ANO4: variants seen among roughly 807,000 people sequenced by gnomAD.
ANO4 encodes anoctamin-4.
In ANO4, 69 loss-of-function variants were observed where a neutral mutation model predicts 141.9. The ratio of observed to expected loss-of-function variants is 0.49; its 90% confidence interval spans 0.40 to 0.59. The LOEUF (loss-of-function observed/expected upper bound fraction) is 0.59. ANO4 is among the 20% of genes least tolerant of loss of function. The pLI is 0.00. For missense variants in ANO4, 894 were observed against 1,162.2 expected (o/e 0.77, Z 3.36); for synonymous variants, 350 against 394.3 (o/e 0.89, Z 1.33).
rs941341133 is a variant in ANO4, at chr12:100,918,269, G to C, written c.56-3957G>C. Among the ~76,000 whole-genome samples the C allele has an allele frequency of 2.6e-5, 4 of 152,184 alleles. No homozygotes were observed. In the South Asian group the frequency reaches 8.3e-4, roughly 32 times the overall value. On this transcript the variant is annotated intron_variant, in intron 2 of 27. Coordinates refer to ENST00000392977, the MANE Select transcript of ANO4 (RefSeq NM_001286615.2). ...TTGAGCCTAGGAGGTTGAGGTTGCAGTAAGCTGTGTTCGCACCACTGCACT... is the reference window on the plus strand; with the variant it reads ...TTGAGCCTAGGAGGTTGAGGTTGCACTAAGCTGTGTTCGCACCACTGCACT...
chr12:101,020,286 G>T, intron 9 of ANO4, 146 bp downstream of exon 9: 1 of 609,870 alleles, frequency 1.6e-6, no homozygotes. Context: ...TAATTCACAA[G>T]TGTAAAATCT....
At chr12:100,922,502 G>C (rs2041676159) in intron 3 of ANO4, among the ~76,000 whole-genome samples, 172 bp downstream of exon 3, 1 of 152,116 alleles carries the variant, frequency 6.6e-6, no homozygotes, top group African/African-American at 2.4e-5. Context: ...GATAGTGAAA[G>C]AGGTTTAATT....
intron 9 of ANO4, among the ~76,000 whole-genome samples, chr12:101,031,461 C>T (rs537864515): frequency 2.0e-5 from 3 of 152,004 alleles, no homozygotes; most frequent in Admixed American, 6.6e-5. Context: ...TATGACAAAC[C>T]CACAGCCAAT....
chr12:100,969,498 G>C (rs536630797), intron 5 of ANO4, among the ~76,000 whole-genome samples: 1 of 152,178 alleles, frequency 6.6e-6, no homozygotes, highest in East Asian at 1.9e-4. Context: ...ATCTTGATGA[G>C]TTGATTTGTG....
At chr12:100,795,321 C>T (rs777123316) in intron 1 of ANO4, among the ~76,000 whole-genome samples, 31 of 152,182 alleles carry the variant, frequency 2.0e-4, no homozygotes, top group South Asian at 4.1e-4. Context: ...ACTGCAGCAG[C>T]GTGCAGGGAA....
At chr12:100,781,700 TAATA>T (rs555723253) in intron 3 of ANO4, among the ~76,000 whole-genome samples, 46 of 152,214 alleles carry the variant, frequency 3.0e-4, no homozygotes, top group Non-Finnish European at 4.8e-4. Flanking sequence ...TAATGACAGT[TAATA>T]ACTGTTTTGC....
At chr12:100,985,585 C>T (rs1313127047) in intron 7 of ANO4, among the ~76,000 whole-genome samples, 2 of 152,132 alleles carry the variant, frequency 1.3e-5, no homozygotes, top group African/African-American at 4.8e-5. Context: ...TGTTGTCAAC[C>T]ACTGTGTCAT....
At chr12:100,763,489 C>T (rs2032960521) in intron 3 of ANO4, among the ~76,000 whole-genome samples, 1 of 152,214 alleles carries the variant, frequency 6.6e-6, no homozygotes, top group South Asian at 2.1e-4. Flanking sequence ...ATCTCTAGTG[C>T]TTTTGACTAG....
intron 17 of ANO4, among the ~76,000 whole-genome samples, chr12:101,093,522 G>A (rs967641313): frequency 1.3e-5 from 2 of 151,924 alleles, no homozygotes; most frequent in Non-Finnish European, 2.9e-5. Context: ...TTCACTTACC[G>A]TCTTTTGTTT....
At chr12:100,827,738 G>T (rs2036430658) in intron 1 of ANO4, among the ~76,000 whole-genome samples, 1 of 151,930 alleles carries the variant, frequency 6.6e-6, no homozygotes, top group African/African-American at 2.4e-5. Flanking sequence ...CTTGATTTAT[G>T]GTTAGGATTC....
At chr12:101,035,523 T>C (rs557377945) in intron 9 of ANO4, among the ~76,000 whole-genome samples, 50 of 152,318 alleles carry the variant, frequency 3.3e-4, no homozygotes, top group African/African-American at 1.2e-3. Context: ...TATTGTATGA[T>C]TGTTATACCT....
intron 3 of ANO4, among the ~76,000 whole-genome samples, chr12:100,773,826 G>T (rs2033389581): frequency 6.6e-6 from 1 of 152,170 alleles, no homozygotes. Context: ...AACCTCTATT[G>T]TGATGCCAGG....
chr12:100,756,655 G>A (rs1320409157), intron 3 of ANO4, among the ~76,000 whole-genome samples: 1 of 152,016 alleles, frequency 6.6e-6, no homozygotes, highest in Non-Finnish European at 1.5e-5. Flanking sequence ...GCCTCAACTT[G>A]TTTTTTTCAC....
At chr12:100,947,808 A>G (rs1372648292) in intron 5 of ANO4, among the ~76,000 whole-genome samples, 4 of 152,240 alleles carry the variant, frequency 2.6e-5, no homozygotes, top group African/African-American at 9.6e-5. Flanking sequence ...AGATAAAGCC[A>G]TTATTAAAAC....
At chr12:100,858,995 T>C (rs1374963479) in intron 1 of ANO4, 1 of 152,170 alleles carries the variant, frequency 6.6e-6, no homozygotes, top group Non-Finnish European at 1.5e-5. Flanking sequence ...GAGGAATGCT[T>C]GAGGAAGTCA....
intron 8 of ANO4, among the ~76,000 whole-genome samples, chr12:101,003,649 T>A (rs1230650702): frequency 6.6e-6 from 1 of 151,914 alleles, no homozygotes; most frequent in Non-Finnish European, 1.5e-5. Context: ...TGTCTCATAC[T>A]TTTTTTTATG....
intron 9 of ANO4, among the ~76,000 whole-genome samples, chr12:101,031,747 A>G (rs922220959): frequency 2.6e-5 from 4 of 152,212 alleles, no homozygotes; most frequent in African/African-American, 9.7e-5. Flanking sequence ...CAGGATACAA[A>G]ATGAATGTGA....
In ANO4 at chr12:101,127,020, C is replaced by A. The variant is rs763133235; in HGVS notation, c.2818C>A (p.Arg940=). ...EAELERLQKE[R]KERKKNGKAH... ...AGAACTGGAACGTCTCCAGAAGGAA[C>A]GAAAGGAGAGGAAGAAGAATGGAAA... Residue 940 remains arginine, a synonymous_variant, in exon 27 of 28, where the codon CGA becomes AGA. Coordinates refer to ENST00000392977, the MANE Select transcript of ANO4 (RefSeq NM_001286615.2). 7 of 1,613,854 alleles carry A rather than the reference C, an allele frequency of 4.3e-6. No individual in the cohort carries two copies. The highest frequency in any genetic ancestry group is 2.2e-5 in the East Asian group (1 of 44,888).
Position 101,099,553 on chromosome 12 carries a change from G to T in ANO4, c.2007-25G>T, listed in dbSNP as rs2050113204. 4.5e-6 allele frequency: 7 copies of T among 1,569,454 alleles called. No homozygotes were observed. The South Asian group carries it at 4.8e-5, about 11-fold the overall frequency. ...AGTCATATGATCAGTTACATTTTTT[G>T]TAAGAAATTGATCTTTTTGCCCAGG... On this transcript the variant is annotated intron_variant, in intron 21 of 27. Coordinates refer to ENST00000392977, the MANE Select transcript of ANO4 (RefSeq NM_001286615.2).
Sources: gnomAD v4.1 joint callset for allele counts (sites outside exome capture counted in the v4.1 genomes callset) on GRCh38, gnomAD v4.1.1 for gene constraint, MANE v1.5 for transcripts, NCBI Gene and HGNC (gene_info 2026-07-23, HGNC 2026-07-21) for gene names.